EMC8: variants seen among roughly 807,000 people sequenced by gnomAD.
The protein encoded by EMC8 is ER membrane protein complex subunit 8, also known as COX4 neighbor.
A neutral mutation model predicts 24.3 loss-of-function variants in EMC8; 11 were observed. The ratio of observed to expected loss-of-function variants is 0.45; its 90% CI spans 0.28 to 0.75. The LOEUF is 0.75. Among genes scored for constraint, EMC8 ranks in the 30% least tolerant of loss-of-function variants. The probability of loss-of-function intolerance (pLI) is 0.12; values close to 1 mark genes in which losing one functional copy is unlikely to be tolerated. For missense variants in EMC8, 277 were observed against 282.7 expected (o/e 0.98, Z 0.14); for synonymous variants, 145 against 117.7 (o/e 1.23, Z -1.50).
intron 2 of EMC8, among the ~76,000 whole-genome samples, chr16:85,787,902 C>T (rs906747260): frequency 6.6e-6 from 1 of 152,194 alleles, no homozygotes; most frequent in Non-Finnish European, 1.5e-5. Flanking sequence ...GGTGCCTCAT[C>T]AGTGATAGCA....
At chr16:85,786,039 G>C (rs1012897940) in intron 2 of EMC8, among the ~76,000 whole-genome samples, 1 of 152,170 alleles carries the variant, frequency 6.6e-6, no homozygotes, top group Admixed American at 6.5e-5. Flanking sequence ...CACTACGTTA[G>C]AACAGTAATA....
At position 85,782,320 on chromosome 16, in the gene EMC8, C is replaced by G. The variant is rs1030737846; in HGVS notation, c.309-1040G>C. ...TGAGCCTCCACTGCTGGCTCTGGCC[C>G]TGCCGCCACCCAACCCTGATAAATG... On this transcript the variant is annotated intron_variant, in intron 2 of 4. Coordinates refer to ENST00000253457, the MANE Select transcript of EMC8 (RefSeq NM_006067.5). 6.1e-4 allele frequency among the ~76,000 whole-genome samples: 93 copies of G among 152,360 alleles called. 1 individual carries two copies. Among genetic ancestry groups the G allele is most frequent in the African/African-American group, 2.1e-3 (86 of 41,590 alleles).
At chr16:85,780,213 T>C in intron 4 of EMC8, 166 bp downstream of exon 4, 1 of 633,248 alleles carries the variant, frequency 1.6e-6, no homozygotes, top group Non-Finnish European at 2.8e-6. Context: ...TTCCCTCTAC[T>C]GCCTGGAAGC....
chr16:85,783,234 C>T (rs571447910), intron 2 of EMC8, among the ~76,000 whole-genome samples: 6 of 152,188 alleles, frequency 3.9e-5, no homozygotes, highest in East Asian at 1.9e-4. Flanking sequence ...ACCCGGGAGG[C>T]GGGGGTGGCA....
At position 85,794,098 on chromosome 16, in the gene EMC8, C is replaced by G. The variant is rs572395046; in HGVS notation, c.231+4967G>C. ...GAACAGAGCCATGAGAACAAGGCCT[C>G]ATTTACACAGCTGCATGGATTTAGA... On this transcript the variant is annotated intron_variant, in intron 1 of 4. Transcript: ENST00000253457. Among the ~76,000 whole-genome samples, 5 of 152,312 alleles carry G rather than the reference C, an allele frequency of 3.3e-5. No homozygotes were observed. In the East Asian group the frequency reaches 9.7e-4, roughly 29 times the overall value.
At chr16:85,791,103 C>T (rs1192253661) in intron 1 of EMC8, among the ~76,000 whole-genome samples, 1 of 150,620 alleles carries the variant, frequency 6.6e-6, no homozygotes, top group Non-Finnish European at 1.5e-5. Flanking sequence ...GCTGAGATTA[C>T]AGGCACAAGC....
chr16:85,794,238 T>C (rs1167931216), intron 1 of EMC8, among the ~76,000 whole-genome samples: 1 of 152,226 alleles, frequency 6.6e-6, no homozygotes, highest in Non-Finnish European at 1.5e-5. Context: ...AAGTGAATAA[T>C]ATAAATTTAA....
At chr16:85,796,381 C>T (rs1231977911) in intron 1 of EMC8, among the ~76,000 whole-genome samples, 1 of 152,164 alleles carries the variant, frequency 6.6e-6, no homozygotes, top group Non-Finnish European at 1.5e-5. Flanking sequence ...TCTCTTCTGT[C>T]CCCTTCTCCG....
At chr16:85,780,351 C>A (rs1262033985) in intron 4 of EMC8, 28 bp downstream of exon 4, 2 of 1,579,422 alleles carry the variant, frequency 1.3e-6, no homozygotes, top group Admixed American at 1.7e-5. Context: ...AGGAGCCCAG[C>A]CCGCGCGGCA....
At position 85,799,391 on chromosome 16, in the gene EMC8, G is replaced by C; in HGVS notation, c.-96C>G. 1 of 750,532 alleles carries C rather than the reference G, an allele frequency of 1.3e-6. No homozygotes were observed. Among genetic ancestry groups the C allele is most frequent in the Non-Finnish European group, 1.9e-6 (1 of 519,776 alleles). 46.5% of individuals were successfully genotyped at this position (750,532 alleles called of 1,614,324 possible). A position where few individuals can be genotyped will look rare whatever the true frequency, so the allele number is the denominator to read the frequency against. On this transcript the variant is annotated 5_prime_UTR_variant, in exon 1 of 5. Coordinates refer to ENST00000253457, the MANE Select transcript of EMC8 (RefSeq NM_006067.5). The surrounding 1 kb of genome is among the most constrained non-coding windows in gnomAD (Gnocchi z 4.2). ...GCGCCTCAGCCGAGAAGCGGGACGA[G>C]GCGGCGGCGATTGATGGCGCGGCCG... is the stretch of plus-strand genomic sequence containing the variant.
chr16:85,795,254 G>A (rs942593106), intron 1 of EMC8, among the ~76,000 whole-genome samples: 1 of 152,196 alleles, frequency 6.6e-6, no homozygotes, highest in Non-Finnish European at 1.5e-5. Flanking sequence ...TTTCTGACAG[G>A]ATTTTACATG....
intron 2 of EMC8, among the ~76,000 whole-genome samples, chr16:85,786,739 A>G (rs781322196): frequency 5.3e-5 from 8 of 152,210 alleles, no homozygotes; most frequent in Non-Finnish European, 1.0e-4. Context: ...TAGGGAGGAC[A>G]TTCTAGAAGG....
At position 85,779,482 on chromosome 16, in the gene EMC8, T is replaced by C. The variant is rs942032686; in HGVS notation, c.*226A>G. The C allele has an allele frequency of 8.4e-5, 41 of 488,026 alleles. No individual in the cohort carries two copies. Among genetic ancestry groups the C allele is most frequent in the Non-Finnish European group, 3.0e-5 (8 of 269,194 alleles). 30.2% of individuals were successfully genotyped at this position (488,026 alleles called of 1,614,324 possible). A position where few individuals can be genotyped will look rare whatever the true frequency, so the allele number is the denominator to read the frequency against. On this transcript the variant is annotated 3_prime_UTR_variant, in exon 5 of 5. Coordinates refer to ENST00000253457, the MANE Select transcript of EMC8 (RefSeq NM_006067.5). ...TTGGAGGATTATAGCAACATACAACTGAGAGAGTCCACAGGGACAGTCAGA... is the reference window on the plus strand; with the variant it reads ...TTGGAGGATTATAGCAACATACAACCGAGAGAGTCCACAGGGACAGTCAGA...
intron 1 of EMC8, among the ~76,000 whole-genome samples, chr16:85,793,423 G>T (rs1028890843): frequency 6.6e-6 from 1 of 152,170 alleles, no homozygotes; most frequent in African/African-American, 2.4e-5. Flanking sequence ...TATGGAATGA[G>T]AAGGAGTGGG....
In EMC8 at chr16:85,789,788, G is replaced by A. The variant is rs149728063; in HGVS notation, c.232-738C>T. Reference sequence around the variant, plus strand: ...GCCTGGGTGACAAGAGTGAAACTCCGTCTCCGTCTCAAAAAAAAAAAAAAA... The same window carrying A: ...GCCTGGGTGACAAGAGTGAAACTCCATCTCCGTCTCAAAAAAAAAAAAAAA... On this transcript the variant is annotated intron_variant, in intron 1 of 4. Coordinates refer to ENST00000253457, the MANE Select transcript of EMC8 (RefSeq NM_006067.5). Among the ~76,000 whole-genome samples, 101 of 148,336 alleles carry A rather than the reference G, an allele frequency of 6.8e-4. 1 individual carries two copies. The highest frequency in any genetic ancestry group is 3.5e-3 in the Middle Eastern group (1 of 288).
chr16:85,781,056 G>A, intron 3 of EMC8, 155 bp downstream of exon 3: 1 of 615,526 alleles, frequency 1.6e-6, no homozygotes, highest in Non-Finnish European at 2.9e-6. Context: ...GGATTCAACT[G>A]GTCTGCAGCT....
intron 2 of EMC8, 183 bp from the exon 3 acceptor site, chr16:85,781,463 C>T: frequency 1.7e-6 from 1 of 578,658 alleles, no homozygotes; most frequent in Non-Finnish European, 3.1e-6. Flanking sequence ...TAGGGTCTTG[C>T]TCTGCTGCCC....
intron 1 of EMC8, among the ~76,000 whole-genome samples, chr16:85,797,547 A>C (rs1460717458): frequency 2.6e-5 from 4 of 152,264 alleles, no homozygotes; most frequent in Non-Finnish European, 5.9e-5. Flanking sequence ...TATTATAATC[A>C]TCTGAATCCT....
At chr16:85,791,940 T>C (rs1319423386) in intron 1 of EMC8, among the ~76,000 whole-genome samples, 1 of 152,204 alleles carries the variant, frequency 6.6e-6, no homozygotes, top group Non-Finnish European at 1.5e-5. Context: ...GATTAGGATG[T>C]GGACATATTT....
Sources: allele counts gnomAD v4.1 joint callset (sites outside exome capture counted in the v4.1 genomes callset), GRCh38; gene constraint gnomAD v4.1.1; non-coding constraint Gnocchi (gnomAD v3.1); transcripts MANE v1.5; gene names NCBI Gene and HGNC (gene_info 2026-07-23, HGNC 2026-07-21).